Variants in SFPQ observed in about 807,000 individuals in gnomAD.
SFPQ encodes splicing factor, proline- and glutamine-rich.
Under a neutral mutation model 72.9 loss-of-function variants are expected in SFPQ, and 11 were observed. That is an observed-to-expected ratio of 0.15 (90% CI 0.09 to 0.25). The LOEUF is 0.25. Ranked by LOEUF, SFPQ falls within the 10% of genes least tolerant of loss-of-function variation. SFPQ has a pLI of 1.00. For synonymous variants in SFPQ, 506 were observed against 367.3 expected, an observed-to-expected ratio of 1.38 and a Z score of -4.32; for missense variants, 847 against 993.3, an observed-to-expected ratio of 0.85 and a Z score of 1.98.
At position 35,191,416 on chromosome 1, in the gene SFPQ, T is replaced by C. The variant is rs1212770211; in HGVS notation, c.942A>G (p.Lys314=). 6 of 1,614,148 alleles carry C rather than the reference T, an allele frequency of 3.7e-6. No homozygotes were observed. Among genetic ancestry groups the C allele is most frequent in the Non-Finnish European group, 5.1e-6 (6 of 1,179,962 alleles). ...GTTCTCCATATTTAGCAAATAGTCT[T>C]TTGAATTCATCCTCCGTGATATCAG... ...LPADITEDEF[K]RLFAKYGEPG... Residue 314 remains lysine (K), a synonymous_variant, in exon 2 of 10, where the codon AAA becomes AAG. Transcript: ENST00000357214.
chr1:35,179,084 A>ACTAG (rs755634186), downstream of SFPQ: 12 of 1,057,132 alleles, frequency 1.1e-5, no homozygotes, highest in Non-Finnish European at 1.4e-5. Flanking sequence ...TGAGAACTGC[A>ACTAG]CTAGCTGACA....
rs372914426 is a variant in SFPQ, at chr1:35,186,974, G to A, written c.1986+27C>T. 88 of 1,577,794 alleles carry A rather than the reference G, an allele frequency of 5.6e-5. No homozygotes were observed. In the African/African-American group the frequency reaches 1.1e-3, roughly 20 times the overall value. Reference sequence around the variant, plus strand: ...AAGTTGTGAAAATGAGAATTTCCTTGGTACTACGTCCCACAGGATACATTA... The same window carrying A: ...AAGTTGTGAAAATGAGAATTTCCTTAGTACTACGTCCCACAGGATACATTA... On this transcript the variant is annotated intron_variant, in intron 9 of 9. Coordinates refer to ENST00000357214, the MANE Select transcript of SFPQ (RefSeq NM_005066.3).
chr1:35,188,140 G>C (rs369761263), intron 6 of SFPQ, 50 bp from the exon 7 acceptor site: 5 of 1,369,222 alleles, frequency 3.7e-6, no homozygotes, highest in Non-Finnish European at 5.2e-6. Context: ...ACATCTTTTA[G>C]AATTCAATGT....
rs888896648 is a variant in SFPQ, at chr1:35,187,330, A to T, written c.1816-79T>A. On this transcript the variant is annotated intron_variant, in intron 7 of 9. Transcript: ENST00000357214. ...TCTTAAGAACTGAGAAATTTTCAAG[A>T]GTTAAATAAAAAACATGGTAAAGTT... is the stretch of plus-strand genomic sequence containing the variant. The T allele has an allele frequency of 3.1e-6, 4 of 1,294,202 alleles. No individual in the cohort carries two copies. In the South Asian group the frequency reaches 3.7e-5, roughly 12 times the overall value. The allele number at this position is 1,294,202 out of a possible 1,614,324, so 80.2% of individuals were successfully genotyped here.
intron 9 of SFPQ, among the ~76,000 whole-genome samples, chr1:35,186,463 A>C (rs1253134272): frequency 6.6e-6 from 1 of 152,220 alleles, no homozygotes; most frequent in East Asian, 1.9e-4. Flanking sequence ...GTATACCTAC[A>C]GACAGGCCCA....
At position 35,190,686 on chromosome 1, in the gene SFPQ, C is replaced by T; in HGVS notation, c.1319+8G>A. 1 of 1,612,634 alleles carries T rather than the reference C, an allele frequency of 6.2e-7. No individual in the cohort carries two copies. The highest frequency in any genetic ancestry group is 1.3e-5 in the African/African-American group (1 of 74,884). ...ATAGAAATTATTAGAATAAACAAGACAACTTACGTCGTCAGTAAGAAAACA... is the reference window on the plus strand; with the variant it reads ...ATAGAAATTATTAGAATAAACAAGATAACTTACGTCGTCAGTAAGAAAACA... On this transcript the variant is annotated splice_region_variant and intron_variant, in intron 3 of 9. Transcript: ENST00000357214.
downstream of SFPQ, chr1:35,180,223 T>C: frequency 1.9e-6 from 2 of 1,051,974 alleles, no homozygotes; most frequent in Non-Finnish European, 2.3e-6. Context: ...CTCTCATGCA[T>C]GCTAGCTAAA....
intron 1 of SFPQ, 91 bp downstream of exon 1, chr1:35,192,131 G>C (rs1183219131): frequency 8.1e-6 from 9 of 1,117,146 alleles, no homozygotes; most frequent in Non-Finnish European, 1.0e-5. Flanking sequence ...TCCGGCAGCC[G>C]ACAAAATGGA....
downstream of SFPQ, chr1:35,182,087 C>T: frequency 2.0e-6 from 2 of 985,350 alleles, no homozygotes; most frequent in Non-Finnish European, 2.4e-6. Context: ...GCCAGCATCC[C>T]TTATAAAGAA....
At chr1:35,182,908 G>C, downstream of SFPQ, 1 of 1,045,416 alleles carries the variant, frequency 9.6e-7, no homozygotes, top group Non-Finnish European at 1.2e-6. Flanking sequence ...GTTCAATGAA[G>C]TTGACAATTA....
At chr1:35,184,622 A>G (rs768754653) in intron 9 of SFPQ, 29 bp from the exon 10 acceptor site, 14 of 1,526,434 alleles carry the variant, frequency 9.2e-6, no homozygotes, top group Admixed American at 4.9e-5. Context: ...ACAGTTCATT[A>G]TAAGTAGTTG....
chr1:35,182,338 A>C, downstream of SFPQ: 1 of 985,420 alleles, frequency 1.0e-6, no homozygotes. Context: ...TCACCAATTA[A>C]TAACCTGTTT....
chr1:35,180,513 G>C (rs1639423343), downstream of SFPQ: 3 of 1,050,586 alleles, frequency 2.9e-6, no homozygotes, highest in Non-Finnish European at 3.4e-6. Flanking sequence ...CCCAGGTTTA[G>C]AGTATAGACA....
chr1:35,181,482 G>A, downstream of SFPQ: 1 of 1,063,618 alleles, frequency 9.4e-7, no homozygotes, highest in Non-Finnish European at 1.1e-6. Context: ...GAGTGGTGGG[G>A]TTTGTAGTAC....
Position 35,186,982 on chromosome 1 carries a change from G to A in SFPQ, c.1986+19C>T, listed in dbSNP as rs778630274. ...AAAATGAGAATTTCCTTGGTACTACGTCCCACAGGATACATTACCATGTCA... is the reference window on the plus strand; with the variant it reads ...AAAATGAGAATTTCCTTGGTACTACATCCCACAGGATACATTACCATGTCA... On this transcript the variant is annotated intron_variant, in intron 9 of 9. Coordinates refer to ENST00000357214, the MANE Select transcript of SFPQ (RefSeq NM_005066.3). 5.6e-6 allele frequency: 9 copies of A among 1,601,608 alleles called. No homozygotes were observed. Among genetic ancestry groups the A allele is most frequent in the East Asian group, 2.2e-5 (1 of 44,614 alleles).
At chr1:35,180,218 A>C, downstream of SFPQ, 1 of 1,051,850 alleles carries the variant, frequency 9.5e-7, no homozygotes, top group Non-Finnish European at 1.1e-6. Flanking sequence ...ACTGTCTCTC[A>C]TGCATGCTAG....
chr1:35,181,614 G>A, downstream of SFPQ: 1 of 1,060,166 alleles, frequency 9.4e-7, no homozygotes, highest in Non-Finnish European at 1.1e-6. Context: ...AGTTTTTAAA[G>A]ATTAGGAGAA....
Position 35,192,462 on chromosome 1 carries a change from T to C in SFPQ, c.588A>G (p.Pro196=), listed in dbSNP as rs1274852060. 1 of 1,355,296 alleles carries C rather than the reference T, an allele frequency of 7.4e-7. No homozygotes were observed. The highest frequency in any genetic ancestry group is 1.8e-5 in the South Asian group (1 of 55,254). 84.0% of individuals were successfully genotyped at this position (1,355,296 alleles called of 1,614,324 possible). ...PPPAAVPGPG[P]GPKQGPGPGG... ...CCGGACCTGGGCCCTGCTTAGGCCC[T>C]GGACCCGGGCCCGGGACTGCCGCGG... is the stretch of plus-strand genomic sequence containing the variant. The change falls in exon 1 of 10, where the codon CCA becomes CCG. Residue 196 remains proline, a synonymous_variant. Coordinates refer to ENST00000357214, the MANE Select transcript of SFPQ (RefSeq NM_005066.3).
In SFPQ at chr1:35,192,603, C is replaced by T. The variant is rs1640083135; in HGVS notation, c.447G>A (p.Pro149=). The T allele has an allele frequency of 1.5e-6, 2 of 1,343,422 alleles. No individual in the cohort carries two copies. Among genetic ancestry groups the T allele is most frequent in the East Asian group, 6.2e-5 (2 of 32,100 alleles). The allele number at this position is 1,343,422 out of a possible 1,614,324, so 83.2% of individuals were successfully genotyped here. The change falls in exon 1 of 10, where the codon CCG becomes CCA. Residue 149 remains proline, a synonymous_variant. Coordinates refer to ENST00000357214, the MANE Select transcript of SFPQ (RefSeq NM_005066.3). ...SGAPPGSGPG[P]TPTPPPAVTS... ...TGACTGCAGGCGGCGGGGTCGGAGT[C>T]GGGCCTGGCCCGGACCCTGGCGGGG... is the stretch of plus-strand genomic sequence containing the variant.
Sources: gnomAD v4.1 joint callset for allele counts (sites outside exome capture counted in the v4.1 genomes callset) on GRCh38, gnomAD v4.1.1 for gene constraint, MANE v1.5 for transcripts, NCBI Gene and HGNC (gene_info 2026-07-23, HGNC 2026-07-21) for gene names.